Variants in EEIG1 observed in about 807,000 individuals in gnomAD.
EEIG1 encodes early estrogen-induced gene 1 protein.
chr9:127,945,105 A>G, the EEIG1 span, among the ~76,000 whole-genome samples: 1 of 152,234 alleles, frequency 6.6e-6, no homozygotes, highest in Non-Finnish European at 1.5e-5. This position sits in a 1 kb window ranked among gnomAD's most constrained non-coding sequence, Gnocchi z 6.5. Flanking sequence ...CCAGGCAATG[A>G]GCAGGTAAGT....
chr9:127,959,565 G>T, the EEIG1 span, among the ~76,000 whole-genome samples: 2 of 152,196 alleles, frequency 1.3e-5, no homozygotes, highest in Non-Finnish European at 2.9e-5. Context: ...GAAGGGCCTG[G>T]GGGGAGGTGA....
the EEIG1 span, chr9:127,950,504 C>T: frequency 9.3e-6 from 15 of 1,613,844 alleles, no homozygotes; most frequent in African/African-American, 4.0e-5. Flanking sequence ...AGCCCGAGCC[C>T]GCAAACTCGG....
the EEIG1 span, chr9:127,950,630 G>A: frequency 1.3e-6 from 2 of 1,549,188 alleles, no homozygotes; most frequent in Non-Finnish European, 8.7e-7. Flanking sequence ...AAAAGTTGGA[G>A]AGGGAGACAG....
the EEIG1 span, chr9:127,941,614 G>A: frequency 6.6e-6 from 1 of 152,274 alleles, no homozygotes; most frequent in Non-Finnish European, 1.5e-5. Context: ...CCCAATGCCA[G>A]GGAGTTCCAA....
the EEIG1 span, chr9:127,972,521 A>G: frequency 6.6e-6 from 1 of 152,332 alleles, no homozygotes; most frequent in Non-Finnish European, 1.5e-5. The surrounding 1 kb of genome is among the most constrained non-coding windows in gnomAD (Gnocchi z 4.3). Flanking sequence ...CTCTGAGAGC[A>G]CCAGGAGGCA....
chr9:127,966,645 G>C, the EEIG1 span, among the ~76,000 whole-genome samples: 1 of 152,192 alleles, frequency 6.6e-6, no homozygotes, highest in African/African-American at 2.4e-5. Context: ...CCCAAGAGGC[G>C]AGCAGGCCAT....
chr9:127,978,735 G>A, the EEIG1 span, among the ~76,000 whole-genome samples: 1 of 152,134 alleles, frequency 6.6e-6, no homozygotes, highest in Non-Finnish European at 1.5e-5. Flanking sequence ...TACTGAGGAC[G>A]CTGAGGCAGG....
chr9:127,944,567 C>A, the EEIG1 span: 660 of 1,364,064 alleles, frequency 4.8e-4, 3 homozygotes, highest in African/African-American at 8.3e-3. Context: ...TCTGCTCTCA[C>A]CCCCAAGCCC....
chr9:127,955,249 G>A, the EEIG1 span, among the ~76,000 whole-genome samples: 1 of 152,210 alleles, frequency 6.6e-6, no homozygotes, highest in Non-Finnish European at 1.5e-5. Flanking sequence ...CCTGAGCATC[G>A]CCAGGTTTGC....
the EEIG1 span, among the ~76,000 whole-genome samples, chr9:127,964,383 G>C: frequency 6.6e-6 from 1 of 152,324 alleles, no homozygotes; most frequent in Non-Finnish European, 1.5e-5. Context: ...GAAGATCCCA[G>C]AGCCTTGACA....
At chr9:127,969,377 G>A in the EEIG1 span, among the ~76,000 whole-genome samples, 2 of 152,190 alleles carry the variant, frequency 1.3e-5, no homozygotes, top group African/African-American at 2.4e-5. Flanking sequence ...AGGGACAGAG[G>A]GAGGAATATG....
the EEIG1 span, chr9:127,943,184 CCTG>C: frequency 6.2e-7 from 1 of 1,614,048 alleles, no homozygotes; most frequent in South Asian, 1.1e-5. Flanking sequence ...AGCCCGGACA[CCTG>C]CTCCTCAATG....
chr9:127,944,771 G>A, the EEIG1 span: 48 of 1,611,526 alleles, frequency 3.0e-5, no homozygotes, highest in Admixed American at 8.0e-4. Context: ...GCCCAGCACG[G>A]CTCACCCTCG....
the EEIG1 span, among the ~76,000 whole-genome samples, chr9:127,978,232 C>T: frequency 6.6e-6 from 1 of 152,240 alleles, no homozygotes; most frequent in African/African-American, 2.4e-5. Flanking sequence ...GTTCCCCTCC[C>T]TTCCCCTCCT....
chr9:127,950,371 G>A, the EEIG1 span: 4 of 1,575,286 alleles, frequency 2.5e-6, no homozygotes, highest in Non-Finnish European at 8.7e-7. Flanking sequence ...GAGCAGCCTG[G>A]TTTGTCCCCA....
chr9:127,980,229 A>G, the EEIG1 span: 1 of 1,346,454 alleles, frequency 7.4e-7, no homozygotes, highest in South Asian at 1.4e-5. Context: ...TCCTCAAAAC[A>G]CCAGAGCCGG....
At chr9:127,940,626 C>T in the EEIG1 span, 1 of 152,178 alleles carries the variant, frequency 6.6e-6, no homozygotes, top group Non-Finnish European at 1.5e-5. Context: ...CAAACCAAGA[C>T]GCTGACACTA....
chr9:127,961,556 G>C, the EEIG1 span, among the ~76,000 whole-genome samples: 4 of 152,212 alleles, frequency 2.6e-5, no homozygotes, highest in African/African-American at 9.7e-5. Context: ...AGAGAAGACA[G>C]AAATCCCTGC....
chr9:127,947,377 A>G, the EEIG1 span, among the ~76,000 whole-genome samples: 4 of 151,944 alleles, frequency 2.6e-5, no homozygotes, highest in South Asian at 6.2e-4. Flanking sequence ...CAGAGGTTGC[A>G]GTGAGGTGAG....
Sources: gnomAD v4.1 joint callset for allele counts (sites outside exome capture counted in the v4.1 genomes callset) on GRCh38, gnomAD v4.1.1 for gene constraint, Gnocchi (gnomAD v3.1) non-coding constraint, MANE v1.5 for transcripts, NCBI Gene and HGNC (gene_info 2026-07-23, HGNC 2026-07-21) for gene names.